ARF3: variants seen among roughly 807,000 people sequenced by gnomAD.
The protein encoded by ARF3 is ADP-ribosylation factor 3.
A neutral mutation model predicts 19.3 loss-of-function variants in ARF3; 5 were observed. The observed-to-expected ratio is 0.26, with a 90% CI of 0.14 to 0.54. The LOEUF (loss-of-function observed/expected upper bound fraction) is 0.54. ARF3 is among the 20% of genes least tolerant of loss of function. The pLI, the probability that ARF3 is intolerant of heterozygous loss-of-function variation, is 0.95. For missense variants in ARF3, 77 were observed against 234.2 expected (o/e 0.33, Z 4.38); for synonymous variants, 71 against 89.2 (o/e 0.80, Z 1.15).
chr12:48,948,496 T>C (rs1940400947), intron 1 of ARF3, among the ~76,000 whole-genome samples: 1 of 151,948 alleles, frequency 6.6e-6, no homozygotes, highest in Admixed American at 6.6e-5. Context: ...CTTCAAACGA[T>C]CCTCCAGTCT....
intron 1 of ARF3, among the ~76,000 whole-genome samples, chr12:48,951,650 C>T (rs1476120361): frequency 1.3e-5 from 2 of 151,380 alleles, no homozygotes; most frequent in Non-Finnish European, 2.9e-5. Context: ...AAGGCCAAGG[C>T]GGGCGGGTCA....
chr12:48,947,345 C>T (rs1171751973), intron 1 of ARF3, among the ~76,000 whole-genome samples: 4 of 149,168 alleles, frequency 2.7e-5, no homozygotes, highest in African/African-American at 2.5e-5. Context: ...CTCGCTCTCT[C>T]GCCCAGGCTG....
At chr12:48,942,420 T>C (rs997141119) in intron 1 of ARF3, among the ~76,000 whole-genome samples, 2 of 152,032 alleles carry the variant, frequency 1.3e-5, no homozygotes, top group East Asian at 3.9e-4. Flanking sequence ...CCTGGAATGC[T>C]TCTCTTCCAG....
At chr12:48,940,869 C>G in intron 2 of ARF3, 79 bp downstream of exon 2, 1 of 1,468,064 alleles carries the variant, frequency 6.8e-7, no homozygotes, top group Non-Finnish European at 9.0e-7. Flanking sequence ...GAGAAGAGGC[C>G]AGGTTGGGGA....
intron 1 of ARF3, chr12:48,953,401 T>C (rs1940501916): frequency 6.6e-6 from 1 of 152,150 alleles, no homozygotes; most frequent in South Asian, 2.1e-4. Flanking sequence ...AAATTTTATT[T>C]AAGGTTTGAC....
At chr12:48,944,766 GAACAACATAA>G (rs1178113466) in intron 1 of ARF3, among the ~76,000 whole-genome samples, 1 of 152,168 alleles carries the variant, frequency 6.6e-6, no homozygotes, top group Non-Finnish European at 1.5e-5. Context: ...ACTGGTTTGG[GAACAACATAA>G]AAGGACTAGA....
chr12:48,940,816 A>G (rs1690183), intron 2 of ARF3, 132 bp downstream of exon 2: 1,154,402 of 1,205,328 alleles, frequency 0.96, 555,247 homozygotes, highest in East Asian at 1. Flanking sequence ...AAACAACACC[A>G]CCCTCTTTTC....
At chr12:48,949,081 G>A (rs1055491248) in intron 1 of ARF3, among the ~76,000 whole-genome samples, 3 of 152,224 alleles carry the variant, frequency 2.0e-5, no homozygotes, top group Non-Finnish European at 4.4e-5. Flanking sequence ...AGAATCCACA[G>A]GATTTAATGA....
chr12:48,946,956 G>A (rs1259723667), intron 1 of ARF3, among the ~76,000 whole-genome samples: 1 of 152,344 alleles, frequency 6.6e-6, no homozygotes, highest in South Asian at 2.1e-4. Flanking sequence ...GCGTCCAGGG[G>A]AAGGAAGACC....
At chr12:48,941,879 AC>A (rs1332521471) in intron 1 of ARF3, among the ~76,000 whole-genome samples, 16 of 152,114 alleles carry the variant, frequency 1.1e-4, no homozygotes, top group Non-Finnish European at 5.9e-5. Flanking sequence ...TGGCGGGGCT[AC>A]CCCTTTACTC....
chr12:48,952,086 T>A (rs1017546728), intron 1 of ARF3, among the ~76,000 whole-genome samples: 27 of 152,144 alleles, frequency 1.8e-4, no homozygotes, highest in Admixed American at 1.5e-3. Context: ...CGTACCTAAC[T>A]AAATAAGTTC....
intron 1 of ARF3, among the ~76,000 whole-genome samples, chr12:48,953,996 G>A (rs1273399113): frequency 6.6e-6 from 1 of 152,202 alleles, no homozygotes; most frequent in Non-Finnish European, 1.5e-5. Context: ...AATGAAAAGA[G>A]TGGACTAAAT....
At chr12:48,941,434 CCATATCTG>C (rs1940255293) in intron 1 of ARF3, 1 of 188,780 alleles carries the variant, frequency 5.3e-6, no homozygotes, top group African/African-American at 2.3e-5. Flanking sequence ...CTTCACTTTT[CCATATCTG>C]CACCTGTAAA....
chr12:48,939,834 A>G lies in ARF3; in HGVS notation c.260-55T>C, dbSNP rs965447272. Reference sequence around the variant, plus strand: ...GATGACAGGTAACCCCCTCCCCCCAACCAAAAGACCACACCTGCCTGACAC... The same window carrying G: ...GATGACAGGTAACCCCCTCCCCCCAGCCAAAAGACCACACCTGCCTGACAC... On this transcript the variant is annotated intron_variant, in intron 3 of 4. Coordinates refer to ENST00000256682, the MANE Select transcript of ARF3 (RefSeq NM_001659.3). This position sits in a 1 kb window ranked among gnomAD's most constrained non-coding sequence, Gnocchi z 4.8. 3.1e-6 allele frequency: 5 copies of G among 1,609,574 alleles called. No individual in the cohort carries two copies. In the South Asian group the frequency reaches 4.4e-5, roughly 14 times the overall value.
intron 1 of ARF3, among the ~76,000 whole-genome samples, chr12:48,947,171 A>G (rs1940372696): frequency 6.6e-6 from 1 of 152,192 alleles, no homozygotes. Context: ...TGTAAACTCC[A>G]AGTTTTTGTC....
chr12:48,936,964 A>G lies in ARF3; in HGVS notation c.*1983T>C, dbSNP rs1400185604. 1 of 152,012 alleles carries G rather than the reference A, an allele frequency of 6.6e-6. No homozygotes were observed. The highest frequency in any genetic ancestry group is 1.5e-5 in the Non-Finnish European group (1 of 68,032). 9.4% of individuals were successfully genotyped at this position (152,012 alleles called of 1,614,324 possible). A position where few individuals can be genotyped will look rare whatever the true frequency, so the allele number is the denominator to read the frequency against. On this transcript the variant is annotated 3_prime_UTR_variant, in exon 5 of 5. Transcript: ENST00000256682. ...TCTGTGGGGCCAGGGAAATGAATAC[A>G]TTTTTAAATGAAATAGAACCTCCAA...
chr12:48,949,008 C>T (rs1253585609), intron 1 of ARF3, among the ~76,000 whole-genome samples: 1 of 152,042 alleles, frequency 6.6e-6, no homozygotes, highest in Admixed American at 6.6e-5. Context: ...GGTGAGAAAT[C>T]GCAAGTTGTC....
At chr12:48,948,054 A>C (rs1269355293) in intron 1 of ARF3, among the ~76,000 whole-genome samples, 2 of 151,778 alleles carry the variant, frequency 1.3e-5, no homozygotes, top group African/African-American at 4.8e-5. Context: ...AAAAAAAAAA[A>C]AAAAGCTGGG....
In ARF3 at chr12:48,938,644, C is replaced by A. The variant is rs776628122; in HGVS notation, c.*303G>T. On this transcript the variant is annotated 3_prime_UTR_variant, in exon 5 of 5. Coordinates refer to ENST00000256682, the MANE Select transcript of ARF3 (RefSeq NM_001659.3). ...ACTGCCAAACAAAGAGAATACCCCA[C>A]TCGACCTCCCGAAACCCAGAGGGTG... 6 of 434,406 alleles carry A rather than the reference C, an allele frequency of 1.4e-5. No homozygotes were observed. The highest frequency in any genetic ancestry group is 2.7e-5 in the Non-Finnish European group (6 of 222,736). The allele number at this position is 434,406 out of a possible 1,614,324, so 26.9% of individuals were successfully genotyped here.
Sources: allele counts gnomAD v4.1 joint callset (sites outside exome capture counted in the v4.1 genomes callset), GRCh38; gene constraint gnomAD v4.1.1; non-coding constraint Gnocchi (gnomAD v3.1); transcripts MANE v1.5; gene names NCBI Gene and HGNC (gene_info 2026-07-23, HGNC 2026-07-21).